The following SAFB variants were observed in gnomAD, a reference collection of about 807,000 sequenced individuals.
The protein encoded by SAFB is scaffold attachment factor B1.
SAFB carries 15 observed loss-of-function variants against 101.6 expected under a neutral mutation model. The observed-to-expected ratio is 0.15, with a 90% CI of 0.10 to 0.23. The LOEUF is 0.23. Ranked by LOEUF, SAFB falls within the 10% of genes least tolerant of loss-of-function variation. The pLI, the probability that SAFB is intolerant of heterozygous loss-of-function variation, is 1.00. For synonymous variants in SAFB, 449 were observed against 407.5 expected (o/e 1.10, Z -1.23); for missense variants, 930 against 1,104.1 (o/e 0.84, Z 2.23).
chr19:5,660,548 T>A (rs997784652), intron 14 of SAFB, among the ~76,000 whole-genome samples: 6 of 151,378 alleles, frequency 4.0e-5, no homozygotes, highest in Admixed American at 6.6e-5. Flanking sequence ...TTGTCCAGGC[T>A]GTATATCTAT....
intron 9 of SAFB, among the ~76,000 whole-genome samples, chr19:5,652,037 A>G (rs2053950762): frequency 6.6e-6 from 1 of 152,040 alleles, no homozygotes; most frequent in South Asian, 2.1e-4. Context: ...TGCTAAAAGT[A>G]CAGAAATTAG....
intron 2 of SAFB, among the ~76,000 whole-genome samples, chr19:5,627,486 C>T (rs1301438276): frequency 6.6e-6 from 1 of 152,162 alleles, no homozygotes; most frequent in African/African-American, 2.4e-5. Context: ...ATTGCTTGGA[C>T]TTGGAGAAAA....
intron 7 of SAFB, 186 bp downstream of exon 7, chr19:5,649,685 C>T (rs2053893825): frequency 2.6e-5 from 18 of 695,496 alleles, no homozygotes; most frequent in Non-Finnish European, 2.4e-5. Flanking sequence ...TTCTTTTTCT[C>T]AACCTACCAT....
chr19:5,654,517 G>C, intron 13 of SAFB, 61 bp downstream of exon 13: 1 of 977,430 alleles, frequency 1.0e-6, no homozygotes, highest in Non-Finnish European at 1.7e-6. Flanking sequence ...ATTTCTGTGT[G>C]CGTCTTAGGG....
At position 5,661,569 on chromosome 19, in the gene SAFB, G is replaced by A; in HGVS notation, c.1914G>A (p.Glu638=). The change falls in exon 15 of 21, where the codon GAG becomes GAA. Residue 638 remains glutamate (E), a synonymous_variant. Coordinates refer to ENST00000588852, the MANE Select transcript of SAFB (RefSeq NM_001201338.2). The part of the protein sequence containing the change: ...EREQRMQAQW[E]REERERLEIA... ...AACAACGCATGCAGGCGCAGTGGGAGCGCGAGGAGCGTGAGCGGCTGGAGA... is the reference window on the plus strand; with the variant it reads ...AACAACGCATGCAGGCGCAGTGGGAACGCGAGGAGCGTGAGCGGCTGGAGA... 6.2e-7 allele frequency: 1 copy of A among 1,613,118 alleles called. No individual in the cohort carries two copies. The highest frequency in any genetic ancestry group is 8.5e-7 in the Non-Finnish European group (1 of 1,179,926).
intron 2 of SAFB, among the ~76,000 whole-genome samples, chr19:5,639,923 C>T (rs1307706652): frequency 2.0e-5 from 3 of 151,870 alleles, no homozygotes; most frequent in Non-Finnish European, 4.4e-5. Flanking sequence ...CCGCAACCTC[C>T]ACCCCCTGGG....
intron 2 of SAFB, among the ~76,000 whole-genome samples, chr19:5,634,490 A>G (rs542424399): frequency 6.6e-6 from 1 of 152,198 alleles, no homozygotes; most frequent in South Asian, 2.1e-4. Flanking sequence ...TTTTTATAAT[A>G]TAGTAATAAG....
chr19:5,636,979 G>A (rs2053607665), intron 2 of SAFB, among the ~76,000 whole-genome samples: 1 of 151,650 alleles, frequency 6.6e-6, no homozygotes, highest in African/African-American at 2.4e-5. Context: ...AAAGTGCTGG[G>A]ATTATAGGTG....
intron 8 of SAFB, among the ~76,000 whole-genome samples, chr19:5,650,639 T>C (rs1302355891): frequency 1.3e-5 from 2 of 152,120 alleles, no homozygotes; most frequent in Non-Finnish European, 2.9e-5. Context: ...TCTCGAACTC[T>C]TGACCTCGTG....
At chr19:5,659,076 A>T (rs1028807565) in intron 14 of SAFB, among the ~76,000 whole-genome samples, 2 of 151,274 alleles carry the variant, frequency 1.3e-5, no homozygotes, top group African/African-American at 4.9e-5. Context: ...CAGGAGGTGG[A>T]GGTTGCAGTG....
chr19:5,634,370 T>C (rs2053552320), intron 2 of SAFB, among the ~76,000 whole-genome samples: 1 of 152,078 alleles, frequency 6.6e-6, no homozygotes, highest in South Asian at 2.1e-4. Context: ...ATTTTGATGA[T>C]AGGATATTGC....
chr19:5,650,472 C>T (rs1253065845), intron 8 of SAFB, among the ~76,000 whole-genome samples: 3 of 152,104 alleles, frequency 2.0e-5, no homozygotes, highest in Non-Finnish European at 2.9e-5. Flanking sequence ...AGTGCAGTGG[C>T]GCGATCTCAG....
chr19:5,641,410 C>T (rs146582251), intron 2 of SAFB, among the ~76,000 whole-genome samples, 184 bp from the exon 3 acceptor site: 2,942 of 151,882 alleles, frequency 0.019, 49 homozygotes, highest in Middle Eastern at 0.071. Context: ...AGAACCTCTT[C>T]TGCTTGGGGG....
chr19:5,661,778 C>T lies in SAFB; in HGVS notation c.2123C>T (p.Pro708Leu), dbSNP rs963743269. 3 of 1,566,186 alleles carry T rather than the reference C, an allele frequency of 1.9e-6. No individual in the cohort carries two copies. The highest frequency in any genetic ancestry group is 2.6e-6 in the Non-Finnish European group (3 of 1,157,492). The stretch of plus-strand genomic sequence containing the variant: ...CTGCGCTATGAGCAGGAGCGGCGGC[C>T]CGCGGTGCGGCGGCCCTACGACCTG... ...QELRYEQERR[P>L]AVRRPYDLDR... is the part of the protein sequence containing the mutation. Residue 708 changes from proline (P) to leucine (L), a missense_variant, in exon 15 of 21, where the codon CCC becomes CTC. This residue lies in a region of SAFB where 318 missense variants were observed against 342.6 expected (regional missense o/e 0.93). Transcript: ENST00000588852.
chr19:5,623,940 A>G (rs1465854702), intron 1 of SAFB: 1 of 152,376 alleles, frequency 6.6e-6, no homozygotes, highest in African/African-American at 2.4e-5. Flanking sequence ...GAAAAATAGA[A>G]AAAAACCCAC....
intron 14 of SAFB, among the ~76,000 whole-genome samples, chr19:5,660,420 A>T (rs994420965): frequency 7.7e-6 from 1 of 129,326 alleles, no homozygotes; most frequent in Admixed American, 1.0e-4. Context: ...TGGTGCAATC[A>T]TAGTTCACTG....
At chr19:5,656,727 C>T (rs1219480405) in intron 13 of SAFB, among the ~76,000 whole-genome samples, 1 of 151,822 alleles carries the variant, frequency 6.6e-6, no homozygotes, top group African/African-American at 2.4e-5. Context: ...CAAGCATGCG[C>T]CACCATGCCC....
intron 12 of SAFB, 76 bp from the exon 13 acceptor site, chr19:5,654,292 G>T: frequency 6.3e-7 from 1 of 1,585,328 alleles, no homozygotes; most frequent in South Asian, 1.1e-5. Context: ...ACGGAAACTG[G>T]ATTCATGTTG....
At chr19:5,661,868 A>C in intron 15 of SAFB, 60 bp downstream of exon 15, 1 of 1,156,886 alleles carries the variant, frequency 8.6e-7, no homozygotes, top group Non-Finnish European at 1.2e-6. Flanking sequence ...GGGACCTCAC[A>C]GTCCAGTTAG....
Sources: allele counts gnomAD v4.1 joint callset (sites outside exome capture counted in the v4.1 genomes callset), GRCh38; gene constraint gnomAD v4.1.1; regional missense constraint gnomAD v4.1.1; transcripts MANE v1.5; gene names NCBI Gene and HGNC (gene_info 2026-07-23, HGNC 2026-07-21).